The following ATP9B variants were observed in gnomAD, a reference collection of about 807,000 sequenced individuals.
ATP9B encodes the protein probable phospholipid-transporting ATPase IIB.
ATP9B carries 110 observed loss-of-function variants against 146.1 expected under a neutral mutation model. That is an observed-to-expected ratio of 0.75 (90% confidence interval 0.65 to 0.88). The LOEUF (loss-of-function observed/expected upper bound fraction) is 0.88, where lower values mean the gene tolerates loss of function less well. Ranked by LOEUF, ATP9B falls within the 40% of genes least tolerant of loss-of-function variation. ATP9B has a pLI of 0.00. For missense variants in ATP9B, 1,499 were observed against 1,496.4 expected, an observed-to-expected ratio of 1.00 and a Z score of -0.03; for synonymous variants, 604 against 569.7, an observed-to-expected ratio of 1.06 and a Z score of -0.86.
intron 6 of ATP9B, among the ~76,000 whole-genome samples, chr18:79,149,159 A>G (rs2094641946): frequency 1.3e-5 from 2 of 152,224 alleles, no homozygotes; most frequent in Admixed American, 6.5e-5. Flanking sequence ...ATTTTTAAAG[A>G]CATAGATCAT....
chr18:79,104,344 G>A (rs1268845791), intron 2 of ATP9B, among the ~76,000 whole-genome samples: 1 of 152,156 alleles, frequency 6.6e-6, no homozygotes, highest in Non-Finnish European at 1.5e-5. Flanking sequence ...GCACTGATGG[G>A]TGCAGTGCTG....
intron 11 of ATP9B, among the ~76,000 whole-genome samples, chr18:79,228,683 T>C (rs993435193): frequency 6.6e-6 from 1 of 152,194 alleles, no homozygotes; most frequent in Admixed American, 6.5e-5. Flanking sequence ...GAGATACTAT[T>C]TTTGGTTTTT....
intron 26 of ATP9B, among the ~76,000 whole-genome samples, chr18:79,370,642 A>G (rs1180325201): frequency 6.6e-6 from 1 of 152,134 alleles, no homozygotes; most frequent in East Asian, 1.9e-4. Flanking sequence ...CAAATTATCT[A>G]TTTTGTTGAT....
intron 8 of ATP9B, among the ~76,000 whole-genome samples, chr18:79,182,138 A>G (rs575926181): frequency 1.6e-4 from 25 of 152,154 alleles, no homozygotes; most frequent in Non-Finnish European, 2.5e-4. Flanking sequence ...TGGAATGCTA[A>G]TTAATCCTGT....
intron 2 of ATP9B, among the ~76,000 whole-genome samples, chr18:79,104,772 G>C (rs1010606187): frequency 6.6e-6 from 1 of 150,978 alleles, no homozygotes; most frequent in African/African-American, 2.4e-5. Context: ...TTTTGAGACA[G>C]GCACTCTCTT....
At chr18:79,197,107 A>G (rs1568380349) in intron 9 of ATP9B, among the ~76,000 whole-genome samples, 1 of 152,266 alleles carries the variant, frequency 6.6e-6, no homozygotes, top group Non-Finnish European at 1.5e-5. Context: ...TTTCTATAAC[A>G]TAGAACTCAT....
At chr18:79,324,593 A>G (rs1476475161) in intron 15 of ATP9B, among the ~76,000 whole-genome samples, 1 of 152,046 alleles carries the variant, frequency 6.6e-6, no homozygotes, top group Admixed American at 6.6e-5. Flanking sequence ...CTGAGACCAG[A>G]CCCTGCCCCA....
At chr18:79,348,229 A>C in intron 25 of ATP9B, 33 bp downstream of exon 25, 2 of 942,312 alleles carry the variant, frequency 2.1e-6, no homozygotes, top group Non-Finnish European at 3.3e-6. Flanking sequence ...CAGCTCATCC[A>C]GGGGAGGACT....
chr18:79,286,449 G>C (rs1362090041), intron 13 of ATP9B, among the ~76,000 whole-genome samples: 2 of 152,044 alleles, frequency 1.3e-5, no homozygotes, highest in East Asian at 3.9e-4. Context: ...GAATGCTTGT[G>C]ATTTTTGTAC....
At chr18:79,262,700 C>T (rs1037173445) in intron 12 of ATP9B, among the ~76,000 whole-genome samples, 1 of 152,222 alleles carries the variant, frequency 6.6e-6, no homozygotes, top group African/African-American at 2.4e-5. Flanking sequence ...TTACGTGGTA[C>T]ATATGCCAGG....
intron 5 of ATP9B, among the ~76,000 whole-genome samples, chr18:79,142,939 G>A (rs2094531645): frequency 6.6e-6 from 1 of 152,174 alleles, no homozygotes. Context: ...TAAACTGAAT[G>A]TAAAAGGAAG....
At chr18:79,297,309 GAGAA>G (rs1328685231) in intron 13 of ATP9B, among the ~76,000 whole-genome samples, 1 of 140,318 alleles carries the variant, frequency 7.1e-6, no homozygotes, top group Non-Finnish European at 1.5e-5. Context: ...ACCCAGAGAG[GAGAA>G]AGAGAGATGA....
intron 2 of ATP9B, among the ~76,000 whole-genome samples, chr18:79,097,860 A>T (rs2074931484): frequency 6.7e-6 from 1 of 149,966 alleles, no homozygotes; most frequent in Non-Finnish European, 1.5e-5. Flanking sequence ...TCTTTATAGC[A>T]GCATGATTTA....
chr18:79,103,384 T>A (rs1224389902), intron 2 of ATP9B, among the ~76,000 whole-genome samples: 1 of 152,064 alleles, frequency 6.6e-6, no homozygotes. Context: ...TCTGGAGATG[T>A]AAGTTGCAGA....
chr18:79,271,052 CT>C (rs1248120386), intron 12 of ATP9B, among the ~76,000 whole-genome samples: 1 of 152,146 alleles, frequency 6.6e-6, no homozygotes, highest in Non-Finnish European at 1.5e-5. Context: ...TTGCTTGCCA[CT>C]TGTCTCTGGT....
chr18:79,244,128 C>A (rs2095916207), intron 11 of ATP9B, among the ~76,000 whole-genome samples: 1 of 151,974 alleles, frequency 6.6e-6, no homozygotes, highest in Non-Finnish European at 1.5e-5. Context: ...AGTCTCCCCA[C>A]TACCCCCCCT....
In ATP9B at chr18:79,307,137, A is replaced by C; in HGVS notation, c.1676A>C (p.Glu559Ala). Residue 559 changes from glutamate to alanine, a missense_variant, in exon 15 of 30, where the codon GAG becomes GCG. By Grantham distance (107) the Glu-to-Ala change is moderately radical (BLOSUM62 -1). Coordinates refer to ENST00000426216, the MANE Select transcript of ATP9B (RefSeq NM_198531.5). The part of the protein sequence containing the change: ...VLCHNVTPVY[E>A]SRAGVTEETE... ...TGTCACAACGTGACCCCCGTGTATG[A>C]GTCTCGGGCCGGCGTTACTGAGGAG... is the stretch of plus-strand genomic sequence containing the variant. The C allele has an allele frequency of 6.2e-7, 1 of 1,614,196 alleles. No homozygotes were observed. The highest frequency in any genetic ancestry group is 8.5e-7 in the Non-Finnish European group (1 of 1,180,036).
intron 23 of ATP9B, 64 bp downstream of exon 23, chr18:79,345,903 A>G (rs1352947562): frequency 5.1e-6 from 8 of 1,566,158 alleles, no homozygotes; most frequent in African/African-American, 4.1e-5. Context: ...GACTCAGCAC[A>G]TGCTGGGCCA....
chr18:79,240,319 TAATATAG>T (rs971110281), intron 11 of ATP9B, among the ~76,000 whole-genome samples: 1 of 152,254 alleles, frequency 6.6e-6, no homozygotes, highest in Non-Finnish European at 1.5e-5. Context: ...AAAAAAATTT[TAATATAG>T]AAAATTCAGC....
Sources: allele counts gnomAD v4.1 joint callset (sites outside exome capture counted in the v4.1 genomes callset), GRCh38; gene constraint gnomAD v4.1.1; transcripts MANE v1.5; gene names NCBI Gene and HGNC (gene_info 2026-07-23, HGNC 2026-07-21).